The following SYK variants were observed in gnomAD, a reference collection of about 807,000 sequenced individuals.
SYK encodes spleen associated tyrosine kinase.
In SYK, 16 loss-of-function variants were observed where a neutral mutation model predicts 77.8. The observed-to-expected ratio is 0.21, with a 90% CI of 0.14 to 0.31. The LOEUF (loss-of-function observed/expected upper bound fraction) is 0.31, where lower values mean the gene tolerates loss of function less well. SYK is among the 10% of genes least tolerant of loss of function. The probability of loss-of-function intolerance (pLI) is 1.00; values close to 1 mark genes in which losing one functional copy is unlikely to be tolerated. For synonymous variants in SYK, 312 were observed against 308.7 expected (o/e 1.01, Z -0.11); for missense variants, 529 against 814.4 (o/e 0.65, Z 4.26).
chr9:90,854,376 A>G (rs1826939859), intron 3 of SYK, among the ~76,000 whole-genome samples: 1 of 152,198 alleles, frequency 6.6e-6, no homozygotes, highest in South Asian at 2.1e-4. Context: ...GAGGAAGCCC[A>G]GGAGGTTGTG....
intron 7 of SYK, among the ~76,000 whole-genome samples, chr9:90,871,862 G>T (rs1827739394): frequency 6.6e-6 from 1 of 152,222 alleles, no homozygotes; most frequent in African/African-American, 2.4e-5. Context: ...AGTGGTCTGT[G>T]TTGGGCAGCA....
intron 3 of SYK, among the ~76,000 whole-genome samples, chr9:90,849,271 G>A (rs1195884270): frequency 6.6e-6 from 1 of 152,142 alleles, no homozygotes; most frequent in African/African-American, 2.4e-5. Flanking sequence ...TGATTTCAGG[G>A]CCTTCACTTT....
rs970903940 is a variant in SYK, at chr9:90,886,569, G to C, written c.1582-1180G>C. On this transcript the variant is annotated intron_variant, in intron 11 of 13. Coordinates refer to ENST00000375754, the MANE Select transcript of SYK (RefSeq NM_003177.7). ...AAATACAAAAAATTGGCCAGGCCTG[G>C]TGACAGGTGCCTGTCATCCCAGCTA... is the stretch of plus-strand genomic sequence containing the variant. 4.5e-4 allele frequency among the ~76,000 whole-genome samples: 68 copies of C among 152,290 alleles called. 2 individuals are homozygous for C. The highest frequency in any genetic ancestry group is 4.9e-4 in the Non-Finnish European group (33 of 68,014).
At chr9:90,829,166 G>A (rs925213817) in intron 1 of SYK, among the ~76,000 whole-genome samples, 1 of 152,060 alleles carries the variant, frequency 6.6e-6, no homozygotes, top group African/African-American at 2.4e-5. Context: ...GGTGTGCGCT[G>A]TAGTCCCAGC....
At chr9:90,870,964 C>G (rs1287696417) in intron 7 of SYK, among the ~76,000 whole-genome samples, 1 of 152,178 alleles carries the variant, frequency 6.6e-6, no homozygotes, top group Non-Finnish European at 1.5e-5. Context: ...CTGAATGGAC[C>G]TATCAGTTCC....
At chr9:90,838,652 C>G (rs1826175930) in intron 1 of SYK, among the ~76,000 whole-genome samples, 1 of 152,032 alleles carries the variant, frequency 6.6e-6, no homozygotes, top group Non-Finnish European at 1.5e-5. Context: ...TAAGGAGGAG[C>G]TAAGTGGCCT....
intron 1 of SYK, among the ~76,000 whole-genome samples, chr9:90,827,755 CG>C (rs922383905): frequency 3.3e-5 from 5 of 152,288 alleles, no homozygotes; most frequent in Admixed American, 2.0e-4. Context: ...GAAGGTTTAG[CG>C]GTTTGCCATC....
chr9:90,844,867 T>G (rs1301876877), intron 2 of SYK, among the ~76,000 whole-genome samples: 1 of 152,214 alleles, frequency 6.6e-6, no homozygotes, highest in African/African-American at 2.4e-5. Context: ...TACACTTGTA[T>G]GCAACGTCTG....
intron 10 of SYK, 97 bp from the exon 11 acceptor site, chr9:90,878,666 AG>A: frequency 1.0e-6 from 1 of 955,298 alleles, no homozygotes; most frequent in Non-Finnish European, 1.6e-6. Context: ...AGAAGAGGGA[AG>A]GAGTAGATTC....
chr9:90,880,586 G>C (rs923903715), intron 11 of SYK, among the ~76,000 whole-genome samples: 1 of 152,322 alleles, frequency 6.6e-6, no homozygotes, highest in East Asian at 1.9e-4. Context: ...AAAGAAGACA[G>C]CCTGTCTGAA....
At chr9:90,861,820 T>G (rs1046289190) in intron 3 of SYK, among the ~76,000 whole-genome samples, 4 of 152,186 alleles carry the variant, frequency 2.6e-5, no homozygotes, top group Non-Finnish European at 4.4e-5. Context: ...GAGTCCACAG[T>G]GCTCCACAGA....
intron 3 of SYK, among the ~76,000 whole-genome samples, chr9:90,849,138 A>C (rs988931251): frequency 1.3e-5 from 2 of 152,166 alleles, no homozygotes; most frequent in African/African-American, 4.8e-5. Context: ...TGTCTTTAGG[A>C]AGCAAAGGGC....
intron 6 of SYK, among the ~76,000 whole-genome samples, 166 bp downstream of exon 6, chr9:90,865,263 T>C (rs1274217375): frequency 1.3e-5 from 2 of 152,172 alleles, no homozygotes; most frequent in African/African-American, 4.8e-5. Flanking sequence ...AGAATCAGCC[T>C]CCTATTAGTG....
chr9:90,816,546 C>T (rs760711707), intron 1 of SYK, among the ~76,000 whole-genome samples: 4 of 152,186 alleles, frequency 2.6e-5, no homozygotes, highest in Non-Finnish European at 5.9e-5. Flanking sequence ...CAAATTTAAT[C>T]TTACATAATT....
intron 3 of SYK, among the ~76,000 whole-genome samples, chr9:90,848,115 T>G (rs1380480219): frequency 1.3e-5 from 2 of 152,086 alleles, no homozygotes; most frequent in Non-Finnish European, 2.9e-5. Flanking sequence ...GCAGGGAGAG[T>G]TTGCCAGCAT....
At chr9:90,880,370 C>T (rs1439655960) in intron 11 of SYK, among the ~76,000 whole-genome samples, 1 of 152,200 alleles carries the variant, frequency 6.6e-6, no homozygotes, top group Non-Finnish European at 1.5e-5. Flanking sequence ...GGCTGGCCCT[C>T]CTCACCCCAT....
At chr9:90,853,577 C>A (rs1191559328) in intron 3 of SYK, among the ~76,000 whole-genome samples, 1 of 151,958 alleles carries the variant, frequency 6.6e-6, no homozygotes, top group African/African-American at 2.4e-5. Flanking sequence ...TGTAGGGACA[C>A]GGATGAAATT....
At chr9:90,861,358 G>A (rs976892685) in intron 3 of SYK, among the ~76,000 whole-genome samples, 1 of 152,174 alleles carries the variant, frequency 6.6e-6, no homozygotes, top group African/African-American at 2.4e-5. Flanking sequence ...TGAAGACAGA[G>A]CCTTGGCTGC....
At chr9:90,804,411 C>T (rs1012710666) in intron 1 of SYK, among the ~76,000 whole-genome samples, 1 of 152,224 alleles carries the variant, frequency 6.6e-6, no homozygotes, top group South Asian at 2.1e-4. Flanking sequence ...TTCCTGTTAA[C>T]TTTGCAACCA....
Sources: allele counts gnomAD v4.1 joint callset (sites outside exome capture counted in the v4.1 genomes callset), GRCh38; gene constraint gnomAD v4.1.1; transcripts MANE v1.5; gene names NCBI Gene and HGNC (gene_info 2026-07-23, HGNC 2026-07-21).